The following CLVS2 variants were observed in gnomAD, a reference collection of about 807,000 sequenced individuals.
The protein encoded by CLVS2 is clavesin-2.
A neutral mutation model predicts 29.0 loss-of-function variants in CLVS2; 19 were observed. The ratio of observed to expected loss-of-function variants is 0.66; its 90% CI spans 0.46 to 0.96. The LOEUF (loss-of-function observed/expected upper bound fraction) is 0.96, where lower values mean the gene tolerates loss of function less well. CLVS2 is among the 40% of genes least tolerant of loss of function. The probability of loss-of-function intolerance (pLI) is 0.00; values close to 1 mark genes in which losing one functional copy is unlikely to be tolerated. For missense variants in CLVS2, 294 were observed against 404.1 expected (o/e 0.73, Z 2.34); for synonymous variants, 161 against 151.3 (o/e 1.06, Z -0.47).
At position 123,067,336 on chromosome 6, in the gene CLVS2, G is replaced by A. The variant is rs1261693566; in HGVS notation, c.*3575G>A. ...AGAAACCTTCAGAGCCATGGAGTAT[G>A]TCTTCAGGGACAGGGATCATTTGCT... is the stretch of plus-strand genomic sequence containing the variant. On this transcript the variant is annotated 3_prime_UTR_variant, in exon 6 of 6. Transcript: ENST00000275162. The A allele has an allele frequency of 6.6e-6, 1 of 151,606 alleles. No individual in the cohort carries two copies. The highest frequency in any genetic ancestry group is 1.9e-4 in the East Asian group (1 of 5,180). The allele number at this position is 151,606 out of a possible 1,614,324, so 9.4% of individuals were successfully genotyped here.
intron 3 of CLVS2, among the ~76,000 whole-genome samples, chr6:123,012,308 A>G (rs931897751): frequency 2.6e-5 from 4 of 151,906 alleles, no homozygotes; most frequent in African/African-American, 7.2e-5. Context: ...TTTTCCAGCA[A>G]TGTATATGGT....
At chr6:123,029,648 T>TTTTG (rs549877690) in intron 3 of CLVS2, among the ~76,000 whole-genome samples, 2 of 152,144 alleles carry the variant, frequency 1.3e-5, no homozygotes, top group Admixed American at 6.5e-5. Context: ...AAAATAAGTT[T>TTTTG]TTTGTTTGTT....
At chr6:123,017,329 A>G (rs1169380539) in intron 3 of CLVS2, among the ~76,000 whole-genome samples, 1 of 152,104 alleles carries the variant, frequency 6.6e-6, no homozygotes, top group Non-Finnish European at 1.5e-5. Flanking sequence ...CAGCATTATG[A>G]TACATTGATG....
At chr6:123,043,796 A>G (rs1775268487) in intron 3 of CLVS2, among the ~76,000 whole-genome samples, 1 of 152,226 alleles carries the variant, frequency 6.6e-6, no homozygotes, top group South Asian at 2.1e-4. Flanking sequence ...TATTACTTGT[A>G]ATAGTATTTA....
chr6:123,062,265 A>G (rs1004490882), intron 5 of CLVS2, among the ~76,000 whole-genome samples: 1 of 152,122 alleles, frequency 6.6e-6, no homozygotes, highest in East Asian at 1.9e-4. Context: ...CTTTTGTGCA[A>G]TTGTCTCCTT....
chr6:123,021,051 T>TGGG (rs60372312), intron 3 of CLVS2, among the ~76,000 whole-genome samples: 1 of 148,498 alleles, frequency 6.7e-6, no homozygotes, highest in East Asian at 2.0e-4. Flanking sequence ...TGAAAGAGTA[T>TGGG]GGGGGGGGTA....
At chr6:123,022,907 A>G (rs969597456) in intron 3 of CLVS2, among the ~76,000 whole-genome samples, 12 of 152,088 alleles carry the variant, frequency 7.9e-5, no homozygotes, top group African/African-American at 2.7e-4. Context: ...ACAACAAACT[A>G]CATTTAATGA....
intron 2 of CLVS2, among the ~76,000 whole-genome samples, chr6:123,006,766 G>A (rs1774674950): frequency 6.6e-6 from 1 of 152,160 alleles, no homozygotes; most frequent in Non-Finnish European, 1.5e-5. Context: ...AGAAAGATGA[G>A]GATGTTGCAC....
rs1000108653 is a variant in CLVS2, at chr6:123,001,291, TATTGTAAAG to T, written c.389+3127_389+3135del. ...AATTTAGTGTAGTTTACTTTTAGGT[TATTGTAAAG>T]AATTGGATGATTTCCAAAGCCTTTT... On this transcript the variant is annotated intron_variant, in intron 2 of 5. Coordinates refer to ENST00000275162, the MANE Select transcript of CLVS2 (RefSeq NM_001010852.4). Among the ~76,000 whole-genome samples, 14 of 152,322 alleles carry T rather than the reference TATTGTAAAG, an allele frequency of 9.2e-5. No individual in the cohort carries two copies. The East Asian group carries it at 9.6e-4, about 10-fold the overall frequency.
At position 123,065,686 on chromosome 6, in the gene CLVS2, C is replaced by T. The variant is rs923341992; in HGVS notation, c.*1925C>T. On this transcript the variant is annotated 3_prime_UTR_variant, in exon 6 of 6. Coordinates refer to ENST00000275162, the MANE Select transcript of CLVS2 (RefSeq NM_001010852.4). ...TGCCTACCTGACATACATTTTGTAGCCATGGGCTTTTTAGACTATATAAAT... is the reference window on the plus strand; with the variant it reads ...TGCCTACCTGACATACATTTTGTAGTCATGGGCTTTTTAGACTATATAAAT... 1.3e-4 allele frequency: 20 copies of T among 151,718 alleles called. No homozygotes were observed. Among genetic ancestry groups the T allele is most frequent in the African/African-American group, 4.8e-4 (20 of 41,370 alleles). The allele number at this position is 151,718 out of a possible 1,614,324, so 9.4% of individuals were successfully genotyped here. A position where few individuals can be genotyped will look rare whatever the true frequency, so the allele number is the denominator to read the frequency against.
chr6:123,060,754 G>T (rs1772764261), intron 5 of CLVS2, among the ~76,000 whole-genome samples: 1 of 152,266 alleles, frequency 6.6e-6, no homozygotes, highest in African/African-American at 2.4e-5. Context: ...TATGATGTGG[G>T]TATTATTTTT....
chr6:123,042,425 T>A (rs1401666945), intron 3 of CLVS2, among the ~76,000 whole-genome samples: 1 of 152,204 alleles, frequency 6.6e-6, no homozygotes, highest in Non-Finnish European at 1.5e-5. Flanking sequence ...ATCAAGTTCC[T>A]TTATTGTGTG....
intron 2 of CLVS2, among the ~76,000 whole-genome samples, chr6:123,009,238 A>G (rs1328614679): frequency 6.6e-6 from 1 of 152,070 alleles, no homozygotes; most frequent in African/African-American, 2.4e-5. Context: ...AGATAGGGAC[A>G]GTTAACTGAT....
chr6:123,021,051 T>G (rs1774912458), intron 3 of CLVS2, among the ~76,000 whole-genome samples: 1 of 148,378 alleles, frequency 6.7e-6, no homozygotes, highest in African/African-American at 2.5e-5. Flanking sequence ...TGAAAGAGTA[T>G]GGGGGGGGTA....
At chr6:123,020,047 T>C (rs1342546923) in intron 3 of CLVS2, among the ~76,000 whole-genome samples, 1 of 151,954 alleles carries the variant, frequency 6.6e-6, no homozygotes, top group Non-Finnish European at 1.5e-5. Context: ...CTTTACTCAG[T>C]CTATCCATTC....
intron 3 of CLVS2, among the ~76,000 whole-genome samples, chr6:123,043,667 A>G (rs1271741534): frequency 6.6e-6 from 1 of 152,202 alleles, no homozygotes; most frequent in Non-Finnish European, 1.5e-5. Flanking sequence ...ACTTGTGACC[A>G]AAGTTGTGGA....
intron 4 of CLVS2, among the ~76,000 whole-genome samples, chr6:123,049,894 A>G (rs555479939): frequency 6.6e-6 from 1 of 152,118 alleles, no homozygotes; most frequent in Admixed American, 6.5e-5. Flanking sequence ...ATATGTATAC[A>G]TATGTAACAA....
chr6:123,052,717 G>A (rs1349314005), intron 4 of CLVS2, among the ~76,000 whole-genome samples: 1 of 152,164 alleles, frequency 6.6e-6, no homozygotes, highest in Non-Finnish European at 1.5e-5. Context: ...GAAAGTTTTG[G>A]TCTGAGAAAG....
In CLVS2 at chr6:122,997,738, A is replaced by G; in HGVS notation, c.-40A>G. 1 of 1,596,086 alleles carries G rather than the reference A, an allele frequency of 6.3e-7. No individual in the cohort carries two copies. The highest frequency in any genetic ancestry group is 8.5e-7 in the Non-Finnish European group (1 of 1,171,512). ...GACCAGGTTTGCTTTGGGACAGTCA[A>G]CAAGGTCTTCTGAGGGAAAGCTCAG... On this transcript the variant is annotated 5_prime_UTR_variant, in exon 2 of 6. Transcript: ENST00000275162.
Sources: gnomAD v4.1 joint callset for allele counts (sites outside exome capture counted in the v4.1 genomes callset) on GRCh38, gnomAD v4.1.1 for gene constraint, MANE v1.5 for transcripts, NCBI Gene and HGNC (gene_info 2026-07-23, HGNC 2026-07-21) for gene names.